ZNF619: variants seen among roughly 807,000 people sequenced by gnomAD.
ZNF619 encodes the protein zinc finger protein 619.
ZNF619 carries 9 observed loss-of-function variants against 14.2 expected under a neutral mutation model. The ratio of observed to expected loss-of-function variants is 0.64; its 90% confidence interval spans 0.38 to 1.11. ZNF619 has a LOEUF of 1.11. Among genes scored for constraint, ZNF619 ranks in the 50% least tolerant of loss-of-function variants. The pLI is 0.01. For missense variants in ZNF619, 659 were observed against 680.1 expected (o/e 0.97, Z 0.34); for synonymous variants, 246 against 252.8 (o/e 0.97, Z 0.26).
intron 3 of ZNF619, chr3:40,482,302 T>C (rs1235085908): frequency 1.3e-6 from 2 of 1,552,272 alleles, no homozygotes. Context: ...TCTTCATTCC[T>C]TCCATCTTCC....
chr3:40,488,338 T>C lies in ZNF619; in HGVS notation c.*97T>C, dbSNP rs1249433246. 2.8e-6 allele frequency: 2 copies of C among 701,782 alleles called. No homozygotes were observed. Among genetic ancestry groups the C allele is most frequent in the Middle Eastern group, 2.5e-4 (1 of 4,010 alleles). 43.5% of individuals were successfully genotyped at this position (701,782 alleles called of 1,614,324 possible). On this transcript the variant is annotated 3_prime_UTR_variant, in exon 5 of 5. Coordinates refer to ENST00000432264, the MANE Select transcript of ZNF619 (RefSeq NM_001145093.4). ...GATATTCCTCTGGTCTTGTCTTGTA[T>C]AAGTTGTTACTGTTTTCCTAACTTC...
chr3:40,479,678 A>G (rs1697321159), intron 2 of ZNF619, among the ~76,000 whole-genome samples: 1 of 152,234 alleles, frequency 6.6e-6, no homozygotes. Flanking sequence ...AGCTTAGAGC[A>G]GGGTTTTTCA....
At position 40,487,611 on chromosome 3, in the gene ZNF619, T is replaced by G; in HGVS notation, c.1101T>G (p.Thr367=). ...SVLIQHQRIH[T]GEKPYECKEC... Reference sequence around the variant, plus strand: ...TGATTCAGCATCAGAGAATCCACACTGGGGAGAAACCTTATGAATGTAAAG... The same window carrying G: ...TGATTCAGCATCAGAGAATCCACACGGGGGAGAAACCTTATGAATGTAAAG... Residue 367 remains threonine, a synonymous_variant, in exon 5 of 5, where the codon ACT becomes ACG. Coordinates refer to ENST00000432264, the MANE Select transcript of ZNF619 (RefSeq NM_001145093.4). 1 of 1,614,132 alleles carries G rather than the reference T, an allele frequency of 6.2e-7. No homozygotes were observed. Among genetic ancestry groups the G allele is most frequent in the Non-Finnish European group, 8.5e-7 (1 of 1,180,018 alleles).
chr3:40,487,063 A>G lies in ZNF619; in HGVS notation c.553A>G (p.Ser185Gly), dbSNP rs1433495250. The change falls in exon 5 of 5, where the codon AGT (serine) becomes GGT (glycine). Residue 185 changes from serine (S) to glycine (G), a missense_variant. Ser to Gly is a moderately conservative substitution (Grantham distance 56). Transcript: ENST00000432264. Reference sequence around the variant, plus strand: ...GGAGATAGCCAGGAAATTGGAAGAAAGTAGTGTCAGCACACATCTCATTAC... The same window carrying G: ...GGAGATAGCCAGGAAATTGGAAGAAGGTAGTGTCAGCACACATCTCATTAC... ...REEIARKLEE[S>G]SVSTHLITKQ... 1.9e-6 allele frequency: 3 copies of G among 1,614,146 alleles called. No individual in the cohort carries two copies. Among genetic ancestry groups the G allele is most frequent in the South Asian group, 1.1e-5 (1 of 91,086 alleles).
At chr3:40,478,482 A>C (rs1697274376) in intron 2 of ZNF619, among the ~76,000 whole-genome samples, 1 of 152,214 alleles carries the variant, frequency 6.6e-6, no homozygotes, top group Non-Finnish European at 1.5e-5. Flanking sequence ...CCACTCAGTT[A>C]AGGTACAGTG....
At position 40,487,571 on chromosome 3, in the gene ZNF619, G is replaced by A. The variant is rs1559540713; in HGVS notation, c.1061G>A (p.Ser354Asn). The change falls in exon 5 of 5, where the codon AGT (serine) becomes AAT (asparagine). Residue 354 changes from serine to asparagine, a missense_variant. Coordinates refer to ENST00000432264, the MANE Select transcript of ZNF619 (RefSeq NM_001145093.4). ...TGTAAGGAGTGTGGGAAGAGTTTGA[G>A]TTCTAATTCAGTTCTGATTCAGCAT... ...YECKECGKSL[S>N]SNSVLIQHQR... 2 of 1,614,202 alleles carry A rather than the reference G, an allele frequency of 1.2e-6. No homozygotes were observed. The highest frequency in any genetic ancestry group is 1.7e-6 in the Non-Finnish European group (2 of 1,180,048).
chr3:40,483,988 C>T (rs1261424317), intron 4 of ZNF619, among the ~76,000 whole-genome samples: 1 of 149,692 alleles, frequency 6.7e-6, no homozygotes, highest in Non-Finnish European at 1.5e-5. Context: ...TGCAGTGGCA[C>T]TATTTCGGCT....
At position 40,487,421 on chromosome 3, in the gene ZNF619, T is replaced by C; in HGVS notation, c.911T>C (p.Ile304Thr). 2 of 1,614,220 alleles carry C rather than the reference T, an allele frequency of 1.2e-6. No individual in the cohort carries two copies. The highest frequency in any genetic ancestry group is 8.5e-7 in the Non-Finnish European group (1 of 1,180,048). Residue 304 changes from isoleucine to threonine, a missense_variant, in exon 5 of 5, where the codon ATT (isoleucine) becomes ACT (threonine). By Grantham distance (89) the Ile-to-Thr change is moderately conservative. Coordinates refer to ENST00000432264, the MANE Select transcript of ZNF619 (RefSeq NM_001145093.4). ...GKTFSYNSKL[I>T]RHQRIHTGEK... is the part of the protein sequence containing the mutation. ...ACCTTCAGTTATAATTCAAAACTGA[T>C]TCGGCATCAGAGAATCCATACTGGG...
rs1697666111 is a variant in ZNF619 at position 40,487,807 on chromosome 3, T to C, written c.1297T>C (p.Cys433Arg). ...GGAGAAACCCTATGAATGCCAGGAA[T>C]GTGGGAAGACATTCAGTCAAAAGAT... ...NGEKPYECQECGKTFSQKITL... is the reference protein window; with the variant it reads ...NGEKPYECQERGKTFSQKITL... Residue 433 changes from cysteine (C) to arginine (R), a missense_variant, in exon 5 of 5, where the codon TGT becomes CGT. Coordinates refer to ENST00000432264, the MANE Select transcript of ZNF619 (RefSeq NM_001145093.4). 1 of 1,614,166 alleles carries C rather than the reference T, an allele frequency of 6.2e-7. No individual in the cohort carries two copies. Among genetic ancestry groups the C allele is most frequent in the Non-Finnish European group, 8.5e-7 (1 of 1,180,022 alleles).
At chr3:40,484,028 C>T (rs145950139) in intron 4 of ZNF619, among the ~76,000 whole-genome samples, 5,411 of 152,152 alleles carry the variant, frequency 0.036, 299 homozygotes, top group African/African-American at 0.12. Context: ...CAGGTTCAAG[C>T]GATTCTCCTG....
At chr3:40,482,273 G>A in intron 3 of ZNF619, 2 of 1,551,926 alleles carry the variant, frequency 1.3e-6, no homozygotes, top group South Asian at 2.4e-5. Context: ...AGAGAACTGA[G>A]AAGGTTCCTG....
Position 40,488,053 on chromosome 3 carries a change from C to T in ZNF619, c.1543C>T (p.Pro515Ser). The T allele has an allele frequency of 6.2e-7, 1 of 1,614,184 alleles. No homozygotes were observed. Among genetic ancestry groups the T allele is most frequent in the South Asian group, 1.1e-5 (1 of 91,084 alleles). Residue 515 changes from proline to serine, a missense_variant, in exon 5 of 5, where the codon CCA becomes TCA. Physicochemically the swap from Pro to Ser is moderately conservative, Grantham distance 74. Transcript: ENST00000432264. ...PPQHTCSALA[P>S]PGPPLSSSHA... ...CCAACATACCTGCTCTGCCCTAGCC[C>T]CACCAGGGCCTCCCTTATCTTCTTC...
rs1263240874 is a variant in ZNF619, at chr3:40,477,990, C to T, written c.11C>T (p.Thr4Ile). The change falls in exon 2 of 5, where the codon ACA (threonine) becomes ATA (isoleucine). Residue 4 changes from threonine (T) to isoleucine (I), a missense_variant. Transcript: ENST00000432264. MLQ[T>I]VWFQGLGRNL... ...CAGGGGTCATCAGCCATGCTCCAGA[C>T]AGTGTGGTTCCAGGTGAGCAGAGCT... 2 of 1,554,320 alleles carry T rather than the reference C, an allele frequency of 1.3e-6. No homozygotes were observed. Among genetic ancestry groups the T allele is most frequent in the Non-Finnish European group, 1.7e-6 (2 of 1,148,048 alleles).
At chr3:40,481,013 T>C (rs970887135) in intron 2 of ZNF619, among the ~76,000 whole-genome samples, 1 of 152,230 alleles carries the variant, frequency 6.6e-6, no homozygotes, top group African/African-American at 2.4e-5. Context: ...GGACTCCTTT[T>C]AGTCTATTTC....
chr3:40,479,875 C>T (rs941966390), intron 2 of ZNF619, among the ~76,000 whole-genome samples: 1 of 152,182 alleles, frequency 6.6e-6, no homozygotes, highest in African/African-American at 2.4e-5. Flanking sequence ...CTCTGGGGGA[C>T]AGAATTGCCC....
chr3:40,485,649 C>CTG (rs71618940), intron 4 of ZNF619, among the ~76,000 whole-genome samples: 26,798 of 148,826 alleles, frequency 0.18, 3,446 homozygotes, highest in African/African-American at 0.37. Flanking sequence ...TCGGTTTCAG[C>CTG]TGTGTGTGTG....
chr3:40,482,542 A>C, intron 3 of ZNF619, 46 bp from the exon 4 acceptor site: 1 of 1,587,386 alleles, frequency 6.3e-7, no homozygotes, highest in Non-Finnish European at 8.7e-7. Flanking sequence ...GAGGGAGGTC[A>C]GTGTTGATTC....
chr3:40,487,388 G>A lies in ZNF619; in HGVS notation c.878G>A (p.Cys293Tyr). The A allele has an allele frequency of 6.2e-7, 1 of 1,614,224 alleles. No individual in the cohort carries two copies. Among genetic ancestry groups the A allele is most frequent in the Non-Finnish European group, 8.5e-7 (1 of 1,180,040 alleles). ...CAGAGGCCCTATGAATGTACTGACT[G>A]TGGTAAAACCTTCAGTTATAATTCA... Reference protein sequence around the residue: ...GGQRPYECTDCGKTFSYNSKL... With the variant: ...GGQRPYECTDYGKTFSYNSKL... The change falls in exon 5 of 5, where the codon TGT (cysteine) becomes TAT (tyrosine). Residue 293 changes from cysteine to tyrosine, a missense_variant. Cys to Tyr is a radical substitution (Grantham distance 194). Coordinates refer to ENST00000432264, the MANE Select transcript of ZNF619 (RefSeq NM_001145093.4).
At chr3:40,485,665 G>A (rs1201803352) in intron 4 of ZNF619, among the ~76,000 whole-genome samples, 1 of 152,066 alleles carries the variant, frequency 6.6e-6, no homozygotes, top group East Asian at 1.9e-4. Flanking sequence ...GTGTGTGTGT[G>A]TGTGTGTGCA....
Sources: allele counts gnomAD v4.1 joint callset (sites outside exome capture counted in the v4.1 genomes callset), GRCh38; gene constraint gnomAD v4.1.1; transcripts MANE v1.5; gene names NCBI Gene and HGNC (gene_info 2026-07-23, HGNC 2026-07-21).